Variants in SLC8A1 observed in about 807,000 individuals in gnomAD.
SLC8A1 encodes the protein solute carrier family 8 member A1, also known as sodium/calcium exchanger 1.
A neutral mutation model predicts 68.3 loss-of-function variants in SLC8A1; 18 were observed. The observed-to-expected ratio is 0.26, with a 90% CI of 0.18 to 0.39. The LOEUF (loss-of-function observed/expected upper bound fraction) is 0.39. Ranked by LOEUF, SLC8A1 falls within the 10% of genes least tolerant of loss-of-function variation. The pLI is 1.00. For synonymous variants in SLC8A1, 475 were observed against 415.5 expected (o/e 1.14, Z -1.74); for missense variants, 985 against 1,156.7 (o/e 0.85, Z 2.15).
chr2:40,315,343 C>G (rs916237317), intron 2 of SLC8A1, among the ~76,000 whole-genome samples: 2 of 151,306 alleles, frequency 1.3e-5, no homozygotes, highest in African/African-American at 2.4e-5. Context: ...AATTGCAAAA[C>G]GTAATTTCTA....
intron 2 of SLC8A1, among the ~76,000 whole-genome samples, chr2:40,377,872 C>A (rs1256891650): frequency 6.6e-6 from 1 of 152,138 alleles, no homozygotes; most frequent in Non-Finnish European, 1.5e-5. Context: ...AGACTGAAAT[C>A]TTGTGTCCTA....
chr2:40,129,309 C>A (rs1173801546), intron 7 of SLC8A1, among the ~76,000 whole-genome samples: 2 of 151,586 alleles, frequency 1.3e-5, no homozygotes, highest in Admixed American at 1.3e-4. Context: ...TGGCTCACTG[C>A]AGCCTTGGCC....
chr2:40,305,073 G>A (rs1307479601), intron 2 of SLC8A1, among the ~76,000 whole-genome samples: 1 of 152,168 alleles, frequency 6.6e-6, no homozygotes, highest in African/African-American at 2.4e-5. Flanking sequence ...AACTTCCCAG[G>A]TGATAGCCAT....
intron 2 of SLC8A1, among the ~76,000 whole-genome samples, chr2:40,262,451 T>C (rs1002210568): frequency 2.0e-5 from 3 of 152,216 alleles, no homozygotes; most frequent in East Asian, 3.8e-4. Flanking sequence ...CTGGTAAATA[T>C]AGTCTTTGAT....
At chr2:40,101,631 C>G (rs2033898703) in exon 8 of SLC8A1, 1 of 152,112 alleles carries the variant, frequency 6.6e-6, no homozygotes, top group African/African-American at 2.4e-5. Context: ...GTGGACATAT[C>G]TCCCATATAT....
intron 2 of SLC8A1, among the ~76,000 whole-genome samples, chr2:40,400,550 T>C (rs1688408422): frequency 6.6e-6 from 1 of 152,146 alleles, no homozygotes; most frequent in African/African-American, 2.4e-5. Flanking sequence ...TCAAAGTCCT[T>C]TGTAAAACTT....
chr2:40,243,838 T>C (rs563725801), intron 2 of SLC8A1, among the ~76,000 whole-genome samples: 1 of 152,350 alleles, frequency 6.6e-6, no homozygotes, highest in African/African-American at 2.4e-5. Context: ...TCCATGTGAA[T>C]GCTCTAGTGC....
chr2:40,425,317 A>C (rs1209539854), intron 2 of SLC8A1, among the ~76,000 whole-genome samples: 1 of 149,398 alleles, frequency 6.7e-6, no homozygotes, highest in Non-Finnish European at 1.5e-5. Flanking sequence ...TTATATTATA[A>C]ATTTAAATGA....
At chr2:40,493,077 A>G (rs1705428762) in intron 1 of SLC8A1, among the ~76,000 whole-genome samples, 1 of 152,204 alleles carries the variant, frequency 6.6e-6, no homozygotes. Flanking sequence ...TCACAATAGC[A>G]AAGACTTGGA....
intron 2 of SLC8A1, among the ~76,000 whole-genome samples, chr2:40,384,360 C>CA (rs1321960663): frequency 1.3e-5 from 2 of 152,068 alleles, no homozygotes; most frequent in Non-Finnish European, 1.5e-5. Flanking sequence ...TTATTGAGCA[C>CA]AGTCTTTTGT....
chr2:40,364,218 T>C (rs1675373082), intron 2 of SLC8A1, among the ~76,000 whole-genome samples: 1 of 152,124 alleles, frequency 6.6e-6, no homozygotes, highest in Admixed American at 6.6e-5. Context: ...CTGATATTAT[T>C]TTCTCAATGC....
At chr2:40,182,425 T>C (rs1271457042) in intron 2 of SLC8A1, among the ~76,000 whole-genome samples, 2 of 152,186 alleles carry the variant, frequency 1.3e-5, no homozygotes, top group Non-Finnish European at 2.9e-5. Context: ...TACGATAGCA[T>C]TGAAATATTT....
intron 2 of SLC8A1, among the ~76,000 whole-genome samples, chr2:40,292,591 T>C (rs1346565136): frequency 6.6e-6 from 1 of 152,168 alleles, no homozygotes; most frequent in East Asian, 1.9e-4. Context: ...ACAGTGTGGA[T>C]TGAAGACCTA....
At chr2:40,335,510 G>T (rs1052592215) in intron 2 of SLC8A1, among the ~76,000 whole-genome samples, 1 of 152,322 alleles carries the variant, frequency 6.6e-6, no homozygotes, top group South Asian at 2.1e-4. Flanking sequence ...AACTGGATGG[G>T]AATGACTGAC....
intron 2 of SLC8A1, among the ~76,000 whole-genome samples, chr2:40,291,381 TAAA>T (rs2069285947): frequency 6.6e-6 from 1 of 152,132 alleles, no homozygotes. Flanking sequence ...ATTTAAAAAG[TAAA>T]TCAATGCTTT....
intron 2 of SLC8A1, among the ~76,000 whole-genome samples, chr2:40,380,475 T>C (rs1001887506): frequency 3.3e-5 from 5 of 152,066 alleles, no homozygotes; most frequent in African/African-American, 1.2e-4. Context: ...AACTTATCTG[T>C]TTTATCTCAT....
intron 2 of SLC8A1, among the ~76,000 whole-genome samples, chr2:40,326,229 T>C (rs1414290720): frequency 1.3e-5 from 2 of 152,154 alleles, no homozygotes; most frequent in African/African-American, 2.4e-5. Context: ...TGCCTGCCCA[T>C]ACTCTCTGTT....
exon 4 of SLC8A1, chr2:40,174,831 T>C (rs200952740): frequency 1.7e-5 from 28 of 1,609,748 alleles, no homozygotes; most frequent in Admixed American, 1.2e-4. Context: ...ATACCTGTTA[T>C]TGTGAAGCCA....
intron 1 of SLC8A1, among the ~76,000 whole-genome samples, chr2:40,468,685 AC>A (rs959320381): frequency 6.6e-6 from 1 of 152,020 alleles, no homozygotes; most frequent in Non-Finnish European, 1.5e-5. Context: ...AGTGGAACAA[AC>A]CCCATATACC....
Sources: allele counts gnomAD v4.1 joint callset (sites outside exome capture counted in the v4.1 genomes callset), GRCh38; gene constraint gnomAD v4.1.1; transcripts MANE v1.5; gene names NCBI Gene and HGNC (gene_info 2026-07-23, HGNC 2026-07-21).